The following SULT1C2 variants were observed in gnomAD, a reference collection of about 807,000 sequenced individuals.
SULT1C2 encodes the protein sulfotransferase family 1C member 2.
SULT1C2 carries 27 observed loss-of-function variants against 36.0 expected under a neutral mutation model. The observed-to-expected ratio is 0.75, with a 90% CI of 0.55 to 1.03. SULT1C2 has a LOEUF of 1.03. Among genes scored for constraint, SULT1C2 ranks in the 50% least tolerant of loss-of-function variants. The probability of loss-of-function intolerance (pLI) is 0.00; values close to 1 mark genes in which losing one functional copy is unlikely to be tolerated. For synonymous variants in SULT1C2, 121 were observed against 116.0 expected, an observed-to-expected ratio of 1.04 and a Z score of -0.27; for missense variants, 395 against 359.2, an observed-to-expected ratio of 1.10 and a Z score of -0.80.
At chr2:108,297,599 G>A (rs370132156) in intron 3 of SULT1C2, among the ~76,000 whole-genome samples, 3 of 152,130 alleles carry the variant, frequency 2.0e-5, no homozygotes, top group African/African-American at 7.2e-5. Flanking sequence ...CACTCTCCAC[G>A]CTGTGCTTCT....
chr2:108,305,703 A>G (rs761753510), intron 7 of SULT1C2, 108 bp downstream of exon 7: 1 of 1,328,564 alleles, frequency 7.5e-7, no homozygotes, highest in Non-Finnish European at 1.1e-6. Flanking sequence ...CATTTCAACT[A>G]TTCCTAATAT....
At chr2:108,298,232 C>G (rs948202588) in intron 3 of SULT1C2, among the ~76,000 whole-genome samples, 11 of 152,194 alleles carry the variant, frequency 7.2e-5, no homozygotes, top group African/African-American at 2.7e-4. Context: ...TTTAGCTCTG[C>G]CACTATTTTT....
At chr2:108,293,916 T>C (rs536050146) in intron 2 of SULT1C2, 98 bp downstream of exon 2, 2 of 1,502,036 alleles carry the variant, frequency 1.3e-6, no homozygotes, top group Non-Finnish European at 1.8e-6. Flanking sequence ...TGCTCCTTCT[T>C]ATTGTTCCAC....
chr2:108,304,515 A>G, intron 4 of SULT1C2, 59 bp from the exon 5 acceptor site: 1 of 1,544,208 alleles, frequency 6.5e-7, no homozygotes, highest in Non-Finnish European at 8.7e-7. Context: ...GCCTAAGGGA[A>G]CTCTGTGAAA....
Position 108,300,953 on chromosome 2 carries a change from C to G in SULT1C2, c.375+18C>G. 3 of 1,613,198 alleles carry G rather than the reference C, an allele frequency of 1.9e-6. No individual in the cohort carries two copies. Among genetic ancestry groups the G allele is most frequent in the Non-Finnish European group, 2.5e-6 (3 of 1,179,578 alleles). On this transcript the variant is annotated intron_variant, in intron 4 of 7. Coordinates refer to ENST00000251481, the MANE Select transcript of SULT1C2 (RefSeq NM_001056.4). Reference sequence around the variant, plus strand: ...ACTGCAAGGTAAGATACCAACAGCTCCCTGTGACAGAAGGGAAAGTAAGCC... The same window carrying G: ...ACTGCAAGGTAAGATACCAACAGCTGCCTGTGACAGAAGGGAAAGTAAGCC...
intron 3 of SULT1C2, 25 bp from the exon 4 acceptor site, chr2:108,300,813 T>G (rs375903255): frequency 2.5e-6 from 4 of 1,614,060 alleles, no homozygotes; most frequent in Non-Finnish European, 3.4e-6. Flanking sequence ...ACTACGCAGA[T>G]GTTTCCTCTT....
At chr2:108,295,971 G>T (rs977549795) in intron 3 of SULT1C2, among the ~76,000 whole-genome samples, 3 of 152,120 alleles carry the variant, frequency 2.0e-5, no homozygotes, top group African/African-American at 7.2e-5. Flanking sequence ...TTTTTTGCTT[G>T]TAGAGATCGG....
rs1337238866 is a variant in SULT1C2 at position 108,308,541 on chromosome 2, G to A, written c.*77G>A. On this transcript the variant is annotated 3_prime_UTR_variant, in exon 8 of 8. Coordinates refer to ENST00000251481, the MANE Select transcript of SULT1C2 (RefSeq NM_001056.4). The stretch of plus-strand genomic sequence containing the variant: ...TTCAATCCTTCAGTCCCAGCCAGAA[G>A]AATCTCTGAAAGCATATTGTGAATG... 9.9e-6 allele frequency: 12 copies of A among 1,208,700 alleles called. No individual in the cohort carries two copies. The highest frequency in any genetic ancestry group is 1.2e-5 in the Non-Finnish European group (10 of 859,882). The allele number at this position is 1,208,700 out of a possible 1,614,324, so 74.9% of individuals were successfully genotyped here.
intron 7 of SULT1C2, 87 bp downstream of exon 7, chr2:108,305,682 C>A: frequency 6.7e-7 from 1 of 1,495,700 alleles, no homozygotes; most frequent in Non-Finnish European, 9.3e-7. Context: ...TTTATTAATT[C>A]CAAGCCAATG....
In SULT1C2 at chr2:108,304,621, C is replaced by T. The variant is rs755487505; in HGVS notation, c.423C>T (p.Tyr141=). 6.2e-7 allele frequency: 1 copy of T among 1,613,780 alleles called. No individual in the cohort carries two copies. Among genetic ancestry groups the T allele is most frequent in the Non-Finnish European group, 8.5e-7 (1 of 1,179,892 alleles). Residue 141 remains tyrosine, a synonymous_variant, in exon 5 of 8, where the codon TAC becomes TAT. Coordinates refer to ENST00000251481, the MANE Select transcript of SULT1C2 (RefSeq NM_001056.4). ...CCAAAGACTGTATGGTTTCCTACTA[C>T]CATTTCCAAAGGATGAACCACATGC... is the stretch of plus-strand genomic sequence containing the variant. The part of the protein sequence containing the change: ...RNAKDCMVSY[Y]HFQRMNHMLP...
At chr2:108,304,824 G>C in intron 5 of SULT1C2, 124 bp downstream of exon 5, 1 of 1,349,518 alleles carries the variant, frequency 7.4e-7, no homozygotes, top group Non-Finnish European at 1.0e-6. Context: ...CCACAGACTG[G>C]GACTGGGCAG....
intron 1 of SULT1C2, among the ~76,000 whole-genome samples, chr2:108,289,996 G>A (rs1467893908): frequency 1.3e-5 from 2 of 152,148 alleles, no homozygotes; most frequent in African/African-American, 2.4e-5. Context: ...CATGTTCACA[G>A]CTGTGCCCAG....
At chr2:108,290,505 T>G (rs1394189103) in intron 1 of SULT1C2, among the ~76,000 whole-genome samples, 1 of 152,210 alleles carries the variant, frequency 6.6e-6, no homozygotes, top group Non-Finnish European at 1.5e-5. Flanking sequence ...ACAAAATACC[T>G]GAGGCTGGGT....
chr2:108,305,682 C>T (rs775627890), intron 7 of SULT1C2, 87 bp downstream of exon 7: 25 of 1,495,584 alleles, frequency 1.7e-5, no homozygotes, highest in Non-Finnish European at 2.3e-5. Context: ...TTTATTAATT[C>T]CAAGCCAATG....
intron 3 of SULT1C2, among the ~76,000 whole-genome samples, chr2:108,297,081 G>A (rs1676749980): frequency 1.3e-5 from 2 of 152,364 alleles, no homozygotes; most frequent in East Asian, 1.9e-4. Flanking sequence ...GCATGTGTGT[G>A]TGTGAACTGT....
chr2:108,307,804 G>A (rs889784666), intron 7 of SULT1C2, among the ~76,000 whole-genome samples: 6 of 151,914 alleles, frequency 3.9e-5, no homozygotes, highest in African/African-American at 7.2e-5. Flanking sequence ...CACACCACCC[G>A]CACCCCAATC....
In SULT1C2 at chr2:108,300,990, G is replaced by C. The variant is rs372201079; in HGVS notation, c.375+55G>C. The C allele has an allele frequency of 2.2e-5, 35 of 1,606,846 alleles. No individual in the cohort carries two copies. In the African/African-American group the frequency reaches 3.3e-4, roughly 15 times the overall value. On this transcript the variant is annotated intron_variant, in intron 4 of 7. Coordinates refer to ENST00000251481, the MANE Select transcript of SULT1C2 (RefSeq NM_001056.4). ...AGGGAAAGTAAGCCAACCAAAGCGAGTCCTGCAGACCCCAACGCAGAGCAT... is the reference window on the plus strand; with the variant it reads ...AGGGAAAGTAAGCCAACCAAAGCGACTCCTGCAGACCCCAACGCAGAGCAT...
intron 2 of SULT1C2, 66 bp downstream of exon 2, chr2:108,293,884 G>A: frequency 3.8e-6 from 6 of 1,562,750 alleles, no homozygotes; most frequent in Non-Finnish European, 5.2e-6. Flanking sequence ...ACTTAAGTTA[G>A]AATTCCCCTT....
At chr2:108,299,790 A>T (rs1558679361) in intron 3 of SULT1C2, 1 of 152,246 alleles carries the variant, frequency 6.6e-6, no homozygotes, top group African/African-American at 2.4e-5. Flanking sequence ...TACATTCAAA[A>T]TAACATTATT....
Sources: gnomAD v4.1 joint callset for allele counts (sites outside exome capture counted in the v4.1 genomes callset) on GRCh38, gnomAD v4.1.1 for gene constraint, MANE v1.5 for transcripts, NCBI Gene and HGNC (gene_info 2026-07-23, HGNC 2026-07-21) for gene names.